Variants in PDLIM5 observed in about 807,000 individuals in gnomAD.
PDLIM5 encodes the protein PDZ and LIM domain 5.
A neutral mutation model predicts 64.2 loss-of-function variants in PDLIM5; 34 were observed. That is an observed-to-expected ratio of 0.53 (90% confidence interval 0.40 to 0.71). PDLIM5 has a LOEUF of 0.71. Ranked by LOEUF, PDLIM5 falls within the 30% of genes least tolerant of loss-of-function variation. The probability of loss-of-function intolerance (pLI) is 0.00; values close to 1 mark genes in which losing one functional copy is unlikely to be tolerated. For synonymous variants in PDLIM5, 253 were observed against 269.1 expected (o/e 0.94, Z 0.59); for missense variants, 683 against 733.6 (o/e 0.93, Z 0.80).
intron 4 of PDLIM5, among the ~76,000 whole-genome samples, chr4:94,574,065 C>T (rs1735035973): frequency 2.6e-5 from 4 of 152,150 alleles, no homozygotes; most frequent in Admixed American, 2.6e-4. Context: ...CTGCATTCTA[C>T]AAAGATTCAA....
At chr4:94,579,060 A>AT (rs1735524720) in intron 5 of PDLIM5, among the ~76,000 whole-genome samples, 1 of 152,092 alleles carries the variant, frequency 6.6e-6, no homozygotes, top group South Asian at 2.1e-4. Context: ...GTTCATCCTA[A>AT]TAGCATGAAA....
intron 2 of PDLIM5, among the ~76,000 whole-genome samples, chr4:94,512,462 A>G (rs953496745): frequency 1.3e-5 from 2 of 152,170 alleles, no homozygotes; most frequent in Non-Finnish European, 2.9e-5. Flanking sequence ...TTTGGAAGAA[A>G]GCAATCTTAA....
At chr4:94,476,639 G>C (rs552003499) in intron 2 of PDLIM5, among the ~76,000 whole-genome samples, 21 of 151,826 alleles carry the variant, frequency 1.4e-4, no homozygotes, top group African/African-American at 4.8e-4. Flanking sequence ...TCCCTTTTTT[G>C]GTTGGTTGTT....
chr4:94,466,292 G>C (rs1323682092), intron 2 of PDLIM5, among the ~76,000 whole-genome samples: 1 of 152,156 alleles, frequency 6.6e-6, no homozygotes, highest in Non-Finnish European at 1.5e-5. Context: ...CCAGAGAATA[G>C]ATCCTAGAGA....
At chr4:94,626,364 G>A (rs1460650760) in intron 8 of PDLIM5, among the ~76,000 whole-genome samples, 2 of 152,110 alleles carry the variant, frequency 1.3e-5, no homozygotes, top group Non-Finnish European at 2.9e-5. Flanking sequence ...AATTTAAATA[G>A]GCATTATTTA....
chr4:94,505,965 G>A (rs563256622), intron 2 of PDLIM5, among the ~76,000 whole-genome samples: 39 of 152,272 alleles, frequency 2.6e-4, no homozygotes, highest in African/African-American at 8.7e-4. Flanking sequence ...GTTGGAGGTG[G>A]GGCTGAAAGT....
At chr4:94,464,862 C>G (rs1447307228) in intron 2 of PDLIM5, among the ~76,000 whole-genome samples, 2 of 152,154 alleles carry the variant, frequency 1.3e-5, no homozygotes, top group Non-Finnish European at 2.9e-5. Context: ...AAAGTATTTC[C>G]AAAATTCATC....
rs1743127925 is a variant in PDLIM5 at position 94,667,392 on chromosome 4, T to A, written c.*3325T>A. The A allele has an allele frequency of 1.3e-5, 2 of 152,222 alleles. No homozygotes were observed. The allele number at this position is 152,222 out of a possible 1,614,324, so 9.4% of individuals were successfully genotyped here. On this transcript the variant is annotated 3_prime_UTR_variant, in exon 13 of 13. Coordinates refer to ENST00000317968, the MANE Select transcript of PDLIM5 (RefSeq NM_006457.5). ...GGGGAAAAAAATGGATGGTTGCGCC[T>A]TTGCTGAACATGTACAAACTTTTTT... is the stretch of plus-strand genomic sequence containing the variant.
At chr4:94,476,186 C>G (rs1156329716) in intron 2 of PDLIM5, among the ~76,000 whole-genome samples, 1 of 152,118 alleles carries the variant, frequency 6.6e-6, no homozygotes, top group Non-Finnish European at 1.5e-5. Context: ...ATTCTGCCCA[C>G]ACATTATTTG....
At chr4:94,587,883 C>G in intron 7 of PDLIM5, 1 of 883,580 alleles carries the variant, frequency 1.1e-6, no homozygotes, top group Non-Finnish European at 1.4e-6. Context: ...ATCAGAAGAA[C>G]ATAAAATAAA....
At chr4:94,627,024 T>C (rs1167388349) in intron 8 of PDLIM5, among the ~76,000 whole-genome samples, 1 of 152,198 alleles carries the variant, frequency 6.6e-6, no homozygotes, top group African/African-American at 2.4e-5. Context: ...CTAGCTAAGA[T>C]GGATAGATTT....
intron 2 of PDLIM5, among the ~76,000 whole-genome samples, chr4:94,517,761 T>A (rs954441338): frequency 6.6e-6 from 1 of 152,246 alleles, no homozygotes; most frequent in African/African-American, 2.4e-5. Context: ...GTTGAAAATA[T>A]GCAGAAGATT....
intron 7 of PDLIM5, among the ~76,000 whole-genome samples, chr4:94,604,232 A>G (rs1019689070): frequency 1.3e-5 from 2 of 152,240 alleles, no homozygotes; most frequent in Non-Finnish European, 2.9e-5. Flanking sequence ...TGAGCCAGAC[A>G]CTAAGTAAAA....
chr4:94,583,197 A>G (rs910838187), intron 5 of PDLIM5, among the ~76,000 whole-genome samples: 6 of 152,142 alleles, frequency 3.9e-5, no homozygotes, highest in Admixed American at 2.6e-4. Flanking sequence ...ACCAGAAAAC[A>G]CTAAATGTTT....
intron 2 of PDLIM5, among the ~76,000 whole-genome samples, chr4:94,485,849 CAA>C (rs10637280): frequency 3.1e-4 from 31 of 100,212 alleles, no homozygotes; most frequent in African/African-American, 7.5e-4. Context: ...GACTCCGTCT[CAA>C]AAAAAAAAAA....
chr4:94,504,773 A>G (rs1728243740), intron 2 of PDLIM5, among the ~76,000 whole-genome samples: 2 of 152,184 alleles, frequency 1.3e-5, no homozygotes, highest in African/African-American at 4.8e-5. Context: ...CATACCCAGG[A>G]ATCTCATTAC....
intron 3 of PDLIM5, among the ~76,000 whole-genome samples, chr4:94,556,374 A>G (rs1387518049): frequency 1.3e-5 from 2 of 152,136 alleles, no homozygotes; most frequent in Non-Finnish European, 2.9e-5. Flanking sequence ...ATAGGTGTGC[A>G]TGTGTCTTTA....
At chr4:94,662,337 C>T in intron 11 of PDLIM5, 85 bp from the exon 12 acceptor site, 1 of 647,068 alleles carries the variant, frequency 1.5e-6, no homozygotes, top group Non-Finnish European at 2.9e-6. Context: ...TCATCTAATC[C>T]TGATTTTGTT....
intron 7 of PDLIM5, among the ~76,000 whole-genome samples, chr4:94,598,124 A>G (rs1737208037): frequency 6.6e-6 from 1 of 152,194 alleles, no homozygotes; most frequent in Admixed American, 6.5e-5. Flanking sequence ...AGTGACTTGG[A>G]TGAGGAGATC....
Sources: allele counts gnomAD v4.1 joint callset (sites outside exome capture counted in the v4.1 genomes callset), GRCh38; gene constraint gnomAD v4.1.1; transcripts MANE v1.5; gene names NCBI Gene and HGNC (gene_info 2026-07-23, HGNC 2026-07-21).